Variants in CEP128 observed in about 807,000 individuals in gnomAD.
CEP128 encodes the protein centrosomal protein 128.
A neutral mutation model predicts 156.7 loss-of-function variants in CEP128; 132 were observed. The observed-to-expected ratio is 0.84, with a 90% CI of 0.73 to 0.97. The LOEUF (loss-of-function observed/expected upper bound fraction) is 0.97. CEP128 is among the 50% of genes least tolerant of loss of function. CEP128 has a pLI of 0.00. For missense variants in CEP128, 1,252 were observed against 1,281.9 expected (o/e 0.98, Z 0.36); for synonymous variants, 469 against 448.9 (o/e 1.04, Z -0.57).
chr14:80,906,732 C>T (rs1465499683), intron 4 of CEP128, among the ~76,000 whole-genome samples: 1 of 152,028 alleles, frequency 6.6e-6, no homozygotes, highest in East Asian at 1.9e-4. Context: ...TAAAGAGCTA[C>T]ATTAAATAAA....
At chr14:80,735,704 G>A (rs1428013485) in intron 19 of CEP128, among the ~76,000 whole-genome samples, 2 of 152,124 alleles carry the variant, frequency 1.3e-5, no homozygotes, top group African/African-American at 2.4e-5. Context: ...AGTTCAATAC[G>A]TCTTACTGGG....
intron 21 of CEP128, among the ~76,000 whole-genome samples, chr14:80,553,083 C>G (rs112403874): frequency 6.7e-6 from 1 of 148,994 alleles, no homozygotes; most frequent in Admixed American, 6.7e-5. Context: ...TTCTTTCTTT[C>G]TTTTTTTTAA....
In CEP128 at chr14:80,825,115, A is replaced by G. The variant is rs111500067; in HGVS notation, c.1209+6028T>C. On this transcript the variant is annotated intron_variant, in intron 13 of 24. Transcript: ENST00000555265. ...GAGACTTATTCACTATCATAAGAACAGTACAGGAAAGACCTGCCCCCATGA... is the reference window on the plus strand; with the variant it reads ...GAGACTTATTCACTATCATAAGAACGGTACAGGAAAGACCTGCCCCCATGA... Among the ~76,000 whole-genome samples the G allele has an allele frequency of 7.5e-3, 1,139 of 152,342 alleles. 14 individuals are homozygous for G. The highest frequency in any genetic ancestry group is 0.025 in the African/African-American group (1,040 of 41,574).
chr14:80,608,145 C>T (rs1481210403), intron 19 of CEP128, among the ~76,000 whole-genome samples: 6 of 152,172 alleles, frequency 3.9e-5, no homozygotes, highest in Non-Finnish European at 8.8e-5. Context: ...AAGTCAGCAC[C>T]AGCACCCACA....
intron 13 of CEP128, among the ~76,000 whole-genome samples, chr14:80,798,122 C>A (rs940360906): frequency 2.0e-5 from 3 of 152,212 alleles, no homozygotes; most frequent in East Asian, 1.9e-4. Context: ...TAAATTCTTG[C>A]CCATACATTG....
chr14:80,764,642 A>G (rs1242350384), intron 16 of CEP128, among the ~76,000 whole-genome samples: 1 of 152,228 alleles, frequency 6.6e-6, no homozygotes, highest in Non-Finnish European at 1.5e-5. Flanking sequence ...CTTAAAGATC[A>G]GTAAATTCAA....
chr14:80,484,925 C>T (rs1887128695), intron 14 of CEP128, among the ~76,000 whole-genome samples: 1 of 152,038 alleles, frequency 6.6e-6, no homozygotes, highest in African/African-American at 2.4e-5. Context: ...GAAATACAGT[C>T]CCAAAAGGGA....
chr14:80,591,263 A>T lies in CEP128; in HGVS notation c.2807-10840T>A, dbSNP rs182343297. Reference sequence around the variant, plus strand: ...TCGGTGTGCTGTATTCAGGAGACCCATCTCACGTACAAAGACACACGTAGG... The same window carrying T: ...TCGGTGTGCTGTATTCAGGAGACCCTTCTCACGTACAAAGACACACGTAGG... On this transcript the variant is annotated intron_variant, in intron 19 of 24. Coordinates refer to ENST00000555265, the MANE Select transcript of CEP128 (RefSeq NM_152446.5). Among the ~76,000 whole-genome samples the T allele has an allele frequency of 8.0e-4, 122 of 152,234 alleles. No homozygotes were observed. The East Asian group carries it at 0.01, about 13-fold the overall frequency.
chr14:80,735,433 G>T (rs1335276660), intron 19 of CEP128, among the ~76,000 whole-genome samples: 1 of 152,076 alleles, frequency 6.6e-6, no homozygotes, highest in Non-Finnish European at 1.5e-5. Context: ...ATATTTCAAG[G>T]TTAATACAGT....
chr14:80,669,983 G>A (rs938598121), intron 19 of CEP128, among the ~76,000 whole-genome samples: 2 of 152,134 alleles, frequency 1.3e-5, no homozygotes, highest in Non-Finnish European at 2.9e-5. Flanking sequence ...ATGACATAAG[G>A]TGAAGGGGGA....
At chr14:80,530,747 G>A in intron 22 of CEP128, 62 bp downstream of exon 22, 1 of 1,190,604 alleles carries the variant, frequency 8.4e-7, no homozygotes, top group Non-Finnish European at 1.2e-6. Flanking sequence ...TGCACATCAG[G>A]AAGATGTCAA....
chr14:80,939,283 G>A (rs1360570467), intron 2 of CEP128, 102 bp downstream of exon 2: 1 of 151,970 alleles, frequency 6.6e-6, no homozygotes, highest in Non-Finnish European at 1.5e-5. Flanking sequence ...ATATTAGAAG[G>A]GGCTTCTTGC....
intron 19 of CEP128, among the ~76,000 whole-genome samples, chr14:80,673,485 TACAAAAAAAAATTA>T (rs1323735197): frequency 3.2e-5 from 1 of 31,220 alleles, no homozygotes; most frequent in East Asian, 3.8e-3. Flanking sequence ...CTACTAAAAA[TACAAAAAAAAATTA>T]GCCGGGCGTA....
chr14:80,587,365 G>C (rs1002660181), intron 19 of CEP128, among the ~76,000 whole-genome samples: 1 of 152,166 alleles, frequency 6.6e-6, no homozygotes, highest in African/African-American at 2.4e-5. Context: ...GAAACAACAT[G>C]CTGGTCTACA....
chr14:80,712,074 C>A (rs191049625), intron 19 of CEP128, among the ~76,000 whole-genome samples: 27 of 152,084 alleles, frequency 1.8e-4, no homozygotes, highest in Non-Finnish European at 3.8e-4. Flanking sequence ...TAATAATTAT[C>A]TTTAGAAATA....
chr14:80,628,039 C>T (rs765758715), intron 19 of CEP128, among the ~76,000 whole-genome samples: 1 of 152,014 alleles, frequency 6.6e-6, no homozygotes, highest in Non-Finnish European at 1.5e-5. Context: ...CGGGAGTAAG[C>T]GTACTAGTGA....
intron 19 of CEP128, among the ~76,000 whole-genome samples, chr14:80,612,909 C>T (rs537587222): frequency 5.9e-5 from 9 of 152,070 alleles, no homozygotes; most frequent in East Asian, 1.9e-4. Flanking sequence ...GGCACTATCT[C>T]GGCTCACTGC....
intron 19 of CEP128, among the ~76,000 whole-genome samples, chr14:80,641,624 T>C (rs934087558): frequency 6.6e-6 from 1 of 152,208 alleles, no homozygotes; most frequent in African/African-American, 2.4e-5. Context: ...TTTTAAAGTA[T>C]TTATGGCTGC....
chr14:80,582,566 T>C (rs1287617898), intron 19 of CEP128, among the ~76,000 whole-genome samples: 1 of 152,014 alleles, frequency 6.6e-6, no homozygotes, highest in Non-Finnish European at 1.5e-5. Context: ...CTAGCTTAGA[T>C]CTCTTGCCTA....
Sources: gnomAD v4.1 joint callset for allele counts (sites outside exome capture counted in the v4.1 genomes callset) on GRCh38, gnomAD v4.1.1 for gene constraint, MANE v1.5 for transcripts, NCBI Gene and HGNC (gene_info 2026-07-23, HGNC 2026-07-21) for gene names.